Variants in ABCA4 observed in about 807,000 individuals in gnomAD.
ABCA4 encodes retinal-specific phospholipid-transporting ATPase ABCA4.
In ABCA4, 196 loss-of-function variants were observed where a neutral mutation model predicts 263.7. The observed-to-expected ratio is 0.74, with a 90% CI of 0.66 to 0.84. ABCA4 has a LOEUF of 0.84. ABCA4 is among the 40% of genes least tolerant of loss of function. The probability of loss-of-function intolerance (pLI) is 0.00; values close to 1 mark genes in which losing one functional copy is unlikely to be tolerated. For synonymous variants in ABCA4, 1,133 were observed against 1,094.2 expected, an observed-to-expected ratio of 1.04 and a Z score of -0.70; for missense variants, 2,792 against 2,855.1, an observed-to-expected ratio of 0.98 and a Z score of 0.50.
At chr1:94,075,476 C>T (rs982779381) in intron 11 of ABCA4, among the ~76,000 whole-genome samples, 10 of 152,118 alleles carry the variant, frequency 6.6e-5, no homozygotes, top group African/African-American at 2.4e-4. Context: ...TCTGAAAGGC[C>T]ACTGGGGAGC....
chr1:93,999,101 A>G (rs569887199), intron 47 of ABCA4, among the ~76,000 whole-genome samples: 1 of 152,144 alleles, frequency 6.6e-6, no homozygotes, highest in Non-Finnish European at 1.5e-5. Flanking sequence ...GCTGGAGTGC[A>G]GTGGTGTGAT....
At chr1:94,022,071 C>T (rs1571258685) in intron 32 of ABCA4, 120 bp from the exon 33 acceptor site, 1 of 818,572 alleles carries the variant, frequency 1.2e-6, no homozygotes, top group South Asian at 1.4e-5. Flanking sequence ...CAGCGAGCAA[C>T]ATGGCTCCAC....
rs374565343 is a variant in ABCA4, at chr1:94,036,772, G to A, written c.3830C>T (p.Thr1277Met). The change falls in exon 26 of 50, where the codon ACG (threonine) becomes ATG (methionine). Residue 1277 changes from threonine to methionine, a missense_variant. By Grantham distance (81) the Thr-to-Met change is moderately conservative. Transcript: ENST00000370225. ...CAGAGGTCCTGAATCAGAATCCTCC[G>A]TGACCTTCAGAAAAATCTGTCAAGA... is the stretch of plus-strand genomic sequence containing the variant. The part of the protein sequence containing the change: ...TPLEEIFLKV[T>M]EDSDSGPLFA... The A allele has an allele frequency of 1.7e-4, 276 of 1,614,064 alleles. No homozygotes were observed. Among genetic ancestry groups the A allele is most frequent in the South Asian group, 1.2e-3 (110 of 91,074 alleles).
intron 24 of ABCA4, among the ~76,000 whole-genome samples, chr1:94,038,323 A>G (rs1417639661): frequency 6.6e-6 from 1 of 152,230 alleles, no homozygotes; most frequent in Non-Finnish European, 1.5e-5. Context: ...CCTCACTTGC[A>G]TGCACTTGAA....
intron 11 of ABCA4, among the ~76,000 whole-genome samples, chr1:94,068,434 A>T (rs581244): frequency 0.8 from 122,018 of 152,222 alleles, 49,113 homozygotes; most frequent in African/African-American, 0.84. Flanking sequence ...GCCACCTGCC[A>T]TGCAGCAAGT....
chr1:94,024,857 G>C (rs1175986426), intron 31 of ABCA4, 97 bp downstream of exon 31: 3 of 1,123,638 alleles, frequency 2.7e-6, no homozygotes, highest in Non-Finnish European at 4.0e-6. Flanking sequence ...CTACTGCCCT[G>C]ATCATACATA....
At chr1:94,004,890 C>T (rs1659329386) in intron 44 of ABCA4, among the ~76,000 whole-genome samples, 1 of 152,094 alleles carries the variant, frequency 6.6e-6, no homozygotes, top group South Asian at 2.1e-4. Context: ...TTCCTTCTTT[C>T]TTACATACAA....
intron 30 of ABCA4, among the ~76,000 whole-genome samples, chr1:94,027,589 A>G (rs1660076994): frequency 6.6e-6 from 1 of 152,242 alleles, no homozygotes; most frequent in Non-Finnish European, 1.5e-5. Flanking sequence ...TGCTTGAGAA[A>G]TATAAAGATA....
intron 49 of ABCA4, among the ~76,000 whole-genome samples, chr1:93,995,526 C>G (rs1301543325): frequency 6.6e-6 from 1 of 152,176 alleles, no homozygotes. Context: ...CTACAAGCAC[C>G]TATTCCAAGA....
At chr1:94,059,628 A>G (rs1046470899) in intron 14 of ABCA4, 1 of 152,208 alleles carries the variant, frequency 6.6e-6, no homozygotes, top group Non-Finnish European at 1.5e-5. Flanking sequence ...TGTGGTCACT[A>G]CACACACTGC....
intron 22 of ABCA4, among the ~76,000 whole-genome samples, chr1:94,041,885 C>A (rs997180592): frequency 6.6e-6 from 1 of 152,068 alleles, no homozygotes; most frequent in Non-Finnish European, 1.5e-5. Flanking sequence ...CACCTGAGGT[C>A]GGGAGATCGA....
At chr1:94,013,722 C>A (rs751267961) in intron 38 of ABCA4, among the ~76,000 whole-genome samples, 6 of 152,166 alleles carry the variant, frequency 3.9e-5, no homozygotes, top group Non-Finnish European at 7.3e-5. Flanking sequence ...GAAGGGACAA[C>A]TGGGCTTGGC....
chr1:94,073,329 C>T (rs1661455023), intron 11 of ABCA4, among the ~76,000 whole-genome samples: 1 of 152,158 alleles, frequency 6.6e-6, no homozygotes, highest in East Asian at 1.9e-4. Flanking sequence ...GCTTCTGCTC[C>T]CATCATACCC....
At position 94,031,032 on chromosome 1, in the gene ABCA4, T is replaced by C. The variant is rs1660186858; in HGVS notation, c.4217A>G (p.His1406Arg). ...PFGEYPALTL[H>R]PWIYGQQYTF... ...GTACTGCTGCCCATATATCCAGGGG[T>C]GAAGGGTCAAAGCGGGGTATTCGCC... The change falls in exon 28 of 50, where the codon CAC becomes CGC. Residue 1406 changes from histidine to arginine, a missense_variant. Coordinates refer to ENST00000370225, the MANE Select transcript of ABCA4 (RefSeq NM_000350.3). 1 of 1,613,532 alleles carries C rather than the reference T, an allele frequency of 6.2e-7. No individual in the cohort carries two copies. Among genetic ancestry groups the C allele is most frequent in the East Asian group, 2.2e-5 (1 of 44,870 alleles).
intron 13 of ABCA4, 49 bp downstream of exon 13, chr1:94,062,528 G>A (rs1358749792): frequency 4.5e-6 from 5 of 1,100,386 alleles, no homozygotes; most frequent in East Asian, 3.7e-5. Context: ...GCCCACTCCA[G>A]CACCCCCATT....
chr1:94,010,175 G>A (rs1330277325), intron 40 of ABCA4, among the ~76,000 whole-genome samples: 1 of 152,190 alleles, frequency 6.6e-6, no homozygotes, highest in Non-Finnish European at 1.5e-5. Context: ...CAGGCCCCTG[G>A]GTGAGGACAA....
At position 94,056,720 on chromosome 1, in the gene ABCA4, A is replaced by G; in HGVS notation, c.2263T>C (p.Phe755Leu). The G allele has an allele frequency of 6.2e-7, 1 of 1,614,120 alleles. No homozygotes were observed. The highest frequency in any genetic ancestry group is 8.5e-7 in the Non-Finnish European group (1 of 1,179,998). ...IMLCFLLSTF[F>L]SKASLAAACS... ...GCTGCTGCCAGACTGGCCTTGGAGA[A>G]GAAGGTGCTGAGCAGAAAGCACAGC... The change falls in exon 15 of 50, where the codon TTC becomes CTC. Residue 755 changes from phenylalanine to leucine, a missense_variant. Physicochemically the swap from Phe to Leu is conservative, Grantham distance 22. Coordinates refer to ENST00000370225, the MANE Select transcript of ABCA4 (RefSeq NM_000350.3).
chr1:93,998,105 C>G lies in ABCA4; in HGVS notation c.6485G>C (p.Gly2162Ala). Residue 2162 changes from glycine to alanine, a missense_variant, in exon 48 of 50, where the codon GGA becomes GCA. Coordinates refer to ENST00000370225, the MANE Select transcript of ABCA4 (RefSeq NM_000350.3). ...GTIQHLKSKFGDGYIVTMKIK... is the reference protein window; with the variant it reads ...GTIQHLKSKFADGYIVTMKIK... Reference sequence around the variant, plus strand: ...CTTCATTGTGACGATATAGCCATCTCCAAATCTAGGGGATGCACACAGTGC... The same window carrying G: ...CTTCATTGTGACGATATAGCCATCTGCAAATCTAGGGGATGCACACAGTGC... 1 of 1,614,136 alleles carries G rather than the reference C, an allele frequency of 6.2e-7. No homozygotes were observed. Among genetic ancestry groups the G allele is most frequent in the Non-Finnish European group, 8.5e-7 (1 of 1,180,032 alleles).
intron 5 of ABCA4, among the ~76,000 whole-genome samples, chr1:94,102,593 T>G (rs986786516): frequency 1.3e-5 from 2 of 152,192 alleles, no homozygotes; most frequent in African/African-American, 4.8e-5. Flanking sequence ...TCTGCTTACC[T>G]GAGCATCGCC....
Sources: allele counts gnomAD v4.1 joint callset (sites outside exome capture counted in the v4.1 genomes callset), GRCh38; gene constraint gnomAD v4.1.1; transcripts MANE v1.5; gene names NCBI Gene and HGNC (gene_info 2026-07-23, HGNC 2026-07-21).